TMEM182: variants seen among roughly 807,000 people sequenced by gnomAD.
TMEM182 encodes the protein transmembrane protein 182.
A neutral mutation model predicts 26.8 loss-of-function variants in TMEM182; 20 were observed. The observed-to-expected ratio is 0.75, with a 90% CI of 0.53 to 1.09. The LOEUF (loss-of-function observed/expected upper bound fraction) is 1.09, where lower values mean the gene tolerates loss of function less well. TMEM182 is among the 50% of genes least tolerant of loss of function. The probability of loss-of-function intolerance (pLI) is 0.00; values close to 1 mark genes in which losing one functional copy is unlikely to be tolerated. For synonymous variants in TMEM182, 109 were observed against 102.2 expected (o/e 1.07, Z -0.40); for missense variants, 277 against 275.5 (o/e 1.01, Z -0.04).
chr2:102,796,357 G>A (rs1307885314), intron 3 of TMEM182, among the ~76,000 whole-genome samples: 1 of 152,170 alleles, frequency 6.6e-6, no homozygotes, highest in Non-Finnish European at 1.5e-5. Context: ...GATCAGTACA[G>A]TCGTAGAATG....
chr2:102,789,624 A>G (rs1681549092), intron 3 of TMEM182, among the ~76,000 whole-genome samples: 1 of 152,170 alleles, frequency 6.6e-6, no homozygotes, highest in Admixed American at 6.5e-5. Flanking sequence ...GGCTTGCTAC[A>G]ATAGCTACCT....
intron 4 of TMEM182, among the ~76,000 whole-genome samples, chr2:102,814,306 A>T (rs1682661479): frequency 6.6e-6 from 1 of 152,140 alleles, no homozygotes; most frequent in Admixed American, 6.6e-5. Context: ...GTGTCTGTGT[A>T]TATCTAAAAC....
At chr2:102,805,256 G>A (rs1439092746) in intron 4 of TMEM182, among the ~76,000 whole-genome samples, 1 of 152,252 alleles carries the variant, frequency 6.6e-6, no homozygotes, top group African/African-American at 2.4e-5. Flanking sequence ...TTTAAAATGG[G>A]GCACTAATAT....
intron 1 of TMEM182, among the ~76,000 whole-genome samples, chr2:102,752,347 G>A (rs1364672906): frequency 1.3e-5 from 2 of 152,196 alleles, no homozygotes; most frequent in African/African-American, 4.8e-5. Flanking sequence ...TTATTTAGTT[G>A]TTGTGTCATT....
At chr2:102,788,803 G>A (rs1316638392) in intron 3 of TMEM182, among the ~76,000 whole-genome samples, 2 of 152,142 alleles carry the variant, frequency 1.3e-5, no homozygotes, top group African/African-American at 2.4e-5. Flanking sequence ...AAGTTTAAGG[G>A]TGGGAGGTTA....
intron 3 of TMEM182, among the ~76,000 whole-genome samples, chr2:102,830,118 C>T (rs1483327765): frequency 1.3e-5 from 2 of 152,224 alleles, no homozygotes; most frequent in African/African-American, 2.4e-5. Flanking sequence ...TGTGATTTCT[C>T]ATTGGCCTGC....
intron 4 of TMEM182, among the ~76,000 whole-genome samples, chr2:102,810,966 C>G (rs577517783): frequency 2.4e-4 from 34 of 143,712 alleles, no homozygotes; most frequent in African/African-American, 7.5e-4. Context: ...GTTGTAAATC[C>G]TTTTACCTAA....
chr2:102,827,861 C>T (rs1683065593), intron 3 of TMEM182, among the ~76,000 whole-genome samples: 1 of 152,150 alleles, frequency 6.6e-6, no homozygotes, highest in Non-Finnish European at 1.5e-5. Context: ...AATCCCAGCA[C>T]TTTGGGATCA....
chr2:102,814,656 G>A (rs1297554854), intron 4 of TMEM182, 92 bp from the exon 5 acceptor site: 1 of 1,111,818 alleles, frequency 9.0e-7, no homozygotes. Flanking sequence ...GTATTTGCAG[G>A]AGCTTGTCAT....
chr2:102,796,075 A>G (rs950235967), intron 3 of TMEM182, among the ~76,000 whole-genome samples: 2 of 152,198 alleles, frequency 1.3e-5, no homozygotes, highest in Non-Finnish European at 2.9e-5. Context: ...AAAAGAGGAA[A>G]AAATAAACAT....
At chr2:102,768,973 C>T (rs1680570701) in intron 3 of TMEM182, among the ~76,000 whole-genome samples, 1 of 152,048 alleles carries the variant, frequency 6.6e-6, no homozygotes, top group African/African-American at 2.4e-5. Flanking sequence ...ACAAGAGGGT[C>T]AGAAGCAGCT....
chr2:102,802,022 G>A (rs1344653210), intron 4 of TMEM182, among the ~76,000 whole-genome samples: 1 of 152,228 alleles, frequency 6.6e-6, no homozygotes, highest in Admixed American at 6.5e-5. Context: ...AGGCTTCCAT[G>A]CCAACCCTGG....
chr2:102,779,215 T>C (rs1270453193), intron 3 of TMEM182, among the ~76,000 whole-genome samples: 1 of 152,216 alleles, frequency 6.6e-6, no homozygotes, highest in Non-Finnish European at 1.5e-5. Flanking sequence ...TTTCCCTTTA[T>C]GTAAGGTGTT....
chr2:102,817,508 A>G lies in TMEM182; in HGVS notation c.*2540A>G, dbSNP rs1035471992. ...CATTGGAATTGGCTGGAGAGACTAC[A>G]CAGAGAAGTTTAATGATCGTGTACA... On this transcript the variant is annotated 3_prime_UTR_variant, in exon 5 of 5. Coordinates refer to ENST00000412401, the MANE Select transcript of TMEM182 (RefSeq NM_144632.5). 1.0e-6 allele frequency: 1 copy of G among 985,308 alleles called. No individual in the cohort carries two copies. The highest frequency in any genetic ancestry group is 1.2e-6 in the Non-Finnish European group (1 of 829,926). 61.0% of individuals were successfully genotyped at this position (985,308 alleles called of 1,614,324 possible). A position where few individuals can be genotyped will look rare whatever the true frequency, so the allele number is the denominator to read the frequency against.
chr2:102,762,745 T>C (rs1262272515), intron 2 of TMEM182, 59 bp downstream of exon 2: 1 of 1,409,830 alleles, frequency 7.1e-7, no homozygotes, highest in African/African-American at 1.4e-5. Context: ...GAACAGTTTC[T>C]TACATAGTAT....
rs1300078209 is a variant in TMEM182, at chr2:102,816,645, T to C, written c.*1677T>C. On this transcript the variant is annotated 3_prime_UTR_variant, in exon 5 of 5. Transcript: ENST00000412401. ...TTTGTCTTTCACTGTTTCATTTTTA[T>C]ATTGCTTCATTTACTTCTTTGCTTT... is the stretch of plus-strand genomic sequence containing the variant. The C allele has an allele frequency of 1.0e-6, 1 of 985,738 alleles. No individual in the cohort carries two copies. The highest frequency in any genetic ancestry group is 4.7e-5 in the South Asian group (1 of 21,290). 61.1% of individuals were successfully genotyped at this position (985,738 alleles called of 1,614,324 possible).
At chr2:102,767,380 A>C (rs1680496629) in intron 3 of TMEM182, among the ~76,000 whole-genome samples, 1 of 152,186 alleles carries the variant, frequency 6.6e-6, no homozygotes, top group Non-Finnish European at 1.5e-5. Flanking sequence ...AAGTGCATTA[A>C]ACAATTCTAT....
intron 1 of TMEM182, among the ~76,000 whole-genome samples, chr2:102,744,362 G>A (rs1431352187): frequency 6.6e-6 from 1 of 152,070 alleles, no homozygotes; most frequent in African/African-American, 2.4e-5. Context: ...AACTACAAAT[G>A]AAAATGTAAC....
chr2:102,742,221 A>G (rs1215039814), intron 1 of TMEM182, among the ~76,000 whole-genome samples: 3 of 152,202 alleles, frequency 2.0e-5, no homozygotes, highest in Non-Finnish European at 4.4e-5. Context: ...AGAAATCAAG[A>G]ACACTGTAAC....
Sources: allele counts gnomAD v4.1 joint callset (sites outside exome capture counted in the v4.1 genomes callset), GRCh38; gene constraint gnomAD v4.1.1; transcripts MANE v1.5; gene names NCBI Gene and HGNC (gene_info 2026-07-23, HGNC 2026-07-21).